MYO3B: variants seen among roughly 807,000 people sequenced by gnomAD.
The protein encoded by MYO3B is myosin IIIB.
A neutral mutation model predicts 174.6 loss-of-function variants in MYO3B; 156 were observed. The observed-to-expected ratio is 0.89, with a 90% CI of 0.78 to 1.02. The LOEUF is 1.02. Among genes scored for constraint, MYO3B ranks in the 50% least tolerant of loss-of-function variants. The probability of loss-of-function intolerance (pLI) is 0.00; values close to 1 mark genes in which losing one functional copy is unlikely to be tolerated. For synonymous variants in MYO3B, 563 were observed against 569.1 expected, an observed-to-expected ratio of 0.99 and a Z score of 0.15; for missense variants, 1,632 against 1,639.4, an observed-to-expected ratio of 1.00 and a Z score of 0.08.
At position 170,613,838 on chromosome 2, in the gene MYO3B, C is replaced by T. The variant is rs570254025; in HGVS notation, c.3734-37790C>T. ...ATGCTGGATGCTTCCTGTCCTCGAACGTGGGACTCCAAGTTCCTCAGTTTT... is the reference window on the plus strand; with the variant it reads ...ATGCTGGATGCTTCCTGTCCTCGAATGTGGGACTCCAAGTTCCTCAGTTTT... On this transcript the variant is annotated intron_variant, in intron 32 of 34. Coordinates refer to ENST00000408978, the MANE Select transcript of MYO3B (RefSeq NM_138995.5). Among the ~76,000 whole-genome samples, 102 of 152,290 alleles carry T rather than the reference C, an allele frequency of 6.7e-4. No homozygotes were observed. The South Asian group carries it at 9.7e-3, about 15-fold the overall frequency.
chr2:170,486,376 C>G (rs1339826191), intron 25 of MYO3B, among the ~76,000 whole-genome samples: 1 of 140,466 alleles, frequency 7.1e-6, no homozygotes, highest in Non-Finnish European at 1.5e-5. Context: ...GCAATCTTGG[C>G]TCACCACAAC....
In MYO3B at chr2:170,306,586, A is replaced by G. The variant is rs74395189; in HGVS notation, c.750-28799A>G. Among the ~76,000 whole-genome samples, 633 of 152,342 alleles carry G rather than the reference A, an allele frequency of 4.2e-3. 1 individual carries two copies. Among genetic ancestry groups the G allele is most frequent in the African/African-American group, 0.014 (565 of 41,586 alleles). On this transcript the variant is annotated intron_variant, in intron 7 of 34. Coordinates refer to ENST00000408978, the MANE Select transcript of MYO3B (RefSeq NM_138995.5). ...ACACAGTGACTGTTGACTGACCGTTAGTCTGACTTGTGTTTTTCAAAATGT... is the reference window on the plus strand; with the variant it reads ...ACACAGTGACTGTTGACTGACCGTTGGTCTGACTTGTGTTTTTCAAAATGT...
chr2:170,623,684 T>G (rs2105344651), intron 32 of MYO3B, among the ~76,000 whole-genome samples: 1 of 152,358 alleles, frequency 6.6e-6, no homozygotes, highest in African/African-American at 2.4e-5. Context: ...CTAGGTTTTC[T>G]TCTAGAGTTT....
intron 22 of MYO3B, chr2:170,411,937 T>G (rs961512139): frequency 6.6e-6 from 1 of 152,260 alleles, no homozygotes; most frequent in Non-Finnish European, 1.5e-5. Flanking sequence ...CTCTGTTCTC[T>G]TCTCATGCTT....
chr2:170,205,816 C>T (rs1217145101), intron 3 of MYO3B, among the ~76,000 whole-genome samples: 1 of 152,070 alleles, frequency 6.6e-6, no homozygotes, highest in Non-Finnish European at 1.5e-5. Context: ...CCAGTCTGAA[C>T]ATTGAGACCT....
chr2:170,406,075 T>C (rs1326815154), intron 21 of MYO3B, among the ~76,000 whole-genome samples: 1 of 152,132 alleles, frequency 6.6e-6, no homozygotes, highest in Non-Finnish European at 1.5e-5. Flanking sequence ...GAAAAAAAAA[T>C]TCACATTATT....
chr2:170,565,760 A>G (rs1173083622), intron 32 of MYO3B, among the ~76,000 whole-genome samples: 1 of 152,196 alleles, frequency 6.6e-6, no homozygotes, highest in African/African-American at 2.4e-5. Flanking sequence ...AGTGGGCCTT[A>G]AAAAGTCTGC....
intron 7 of MYO3B, among the ~76,000 whole-genome samples, chr2:170,254,933 C>T (rs560219334): frequency 2.0e-5 from 3 of 152,256 alleles, no homozygotes; most frequent in African/African-American, 7.2e-5. Flanking sequence ...GTTGAGTGGG[C>T]CTGCTCCTGG....
intron 32 of MYO3B, among the ~76,000 whole-genome samples, chr2:170,570,845 A>G (rs1432032061): frequency 6.6e-6 from 1 of 151,962 alleles, no homozygotes; most frequent in Non-Finnish European, 1.5e-5. Context: ...TGCTCTACAA[A>G]CTAGCATTAT....
At chr2:170,383,991 G>A (rs1574889672) in intron 12 of MYO3B, 177 bp downstream of exon 12, 8 of 539,308 alleles carry the variant, frequency 1.5e-5, no homozygotes, top group Admixed American at 3.2e-5. Context: ...CCATAGCATC[G>A]GGAGAATGTG....
intron 5 of MYO3B, 128 bp downstream of exon 5, chr2:170,214,956 C>T: frequency 1.5e-6 from 1 of 677,346 alleles, no homozygotes; most frequent in South Asian, 1.8e-5. Context: ...CAGTCAAACA[C>T]AAGCTGGAGG....
intron 23 of MYO3B, among the ~76,000 whole-genome samples, chr2:170,460,438 A>G (rs541506753): frequency 6.2e-5 from 8 of 129,230 alleles, no homozygotes; most frequent in African/African-American, 1.1e-4. Flanking sequence ...CAGTGAGCTG[A>G]GATTGCGCCA....
intron 7 of MYO3B, among the ~76,000 whole-genome samples, chr2:170,331,593 T>C (rs775524970): frequency 6.6e-6 from 1 of 152,144 alleles, no homozygotes; most frequent in Non-Finnish European, 1.5e-5. Context: ...AAATTTGTTA[T>C]CTTATGGTTC....
At chr2:170,497,132 G>A (rs1043837378) in intron 25 of MYO3B, among the ~76,000 whole-genome samples, 3 of 152,116 alleles carry the variant, frequency 2.0e-5, no homozygotes, top group African/African-American at 4.8e-5. Flanking sequence ...AGACCCACAC[G>A]TGAAAGGTAC....
intron 8 of MYO3B, among the ~76,000 whole-genome samples, chr2:170,357,254 C>T (rs1017039898): frequency 6.6e-6 from 1 of 150,740 alleles, no homozygotes; most frequent in Admixed American, 6.6e-5. Flanking sequence ...TTGCAGTGAG[C>T]CAAGATCACG....
chr2:170,239,046 G>A (rs142536045), intron 7 of MYO3B, among the ~76,000 whole-genome samples: 2 of 152,254 alleles, frequency 1.3e-5, no homozygotes, highest in East Asian at 1.9e-4. Context: ...GTGTCATCTC[G>A]TCTAACGCCT....
chr2:170,288,643 A>G (rs757651011), intron 7 of MYO3B, among the ~76,000 whole-genome samples: 4 of 152,058 alleles, frequency 2.6e-5, no homozygotes, highest in Admixed American at 6.6e-5. Flanking sequence ...TTTTCTAGAT[A>G]TGAAATCATG....
At chr2:170,396,621 C>A (rs927276903) in intron 16 of MYO3B, among the ~76,000 whole-genome samples, 3 of 152,118 alleles carry the variant, frequency 2.0e-5, no homozygotes, top group Non-Finnish European at 2.9e-5. Flanking sequence ...AAAAGTTTTT[C>A]TCAGGGTCAT....
intron 9 of MYO3B, among the ~76,000 whole-genome samples, chr2:170,381,449 C>T (rs543984013): frequency 1.4e-4 from 21 of 152,058 alleles, no homozygotes; most frequent in Non-Finnish European, 2.1e-4. Context: ...GAAGGAAACC[C>T]ATCAAATAGT....
Sources: gnomAD v4.1 joint callset for allele counts (sites outside exome capture counted in the v4.1 genomes callset) on GRCh38, gnomAD v4.1.1 for gene constraint, MANE v1.5 for transcripts, NCBI Gene and HGNC (gene_info 2026-07-23, HGNC 2026-07-21) for gene names.